OTUD5: variants seen among roughly 807,000 people sequenced by gnomAD.
OTUD5 encodes the protein OTU deubiquitinase 5, also known as OTU domain-containing protein 5.
In OTUD5, 2 loss-of-function variants were observed where a neutral mutation model predicts 36.3. The observed-to-expected ratio is 0.06, with a 90% CI of 0.02 to 0.17. OTUD5 has a LOEUF of 0.17. Among genes scored for constraint, OTUD5 ranks in the 10% least tolerant of loss-of-function variants. The pLI is 1.00. For synonymous variants in OTUD5, 234 were observed against 214.9 expected (o/e 1.09, Z -0.78); for missense variants, 233 against 512.3 (o/e 0.45, Z 5.26).
chrX:48,954,892 G>C (rs2064209646), intron 1 of OTUD5, among the ~76,000 whole-genome samples: 3 of 112,174 alleles, frequency 2.7e-5, no homozygotes, highest in South Asian at 7.3e-4. Flanking sequence ...GAAAGTAGGA[G>C]GACCTTCTTG....
At chrX:48,955,626 G>A (rs1481394592) in intron 1 of OTUD5, among the ~76,000 whole-genome samples, 1 of 110,814 alleles carries the variant, frequency 9.0e-6, no homozygotes, top group Non-Finnish European at 1.9e-5. Context: ...CATCATCTCT[G>A]GGATCCCATG....
chrX:48,955,947 C>T (rs1422432998), intron 1 of OTUD5, among the ~76,000 whole-genome samples: 1 of 110,395 alleles, frequency 9.1e-6, no homozygotes, highest in Non-Finnish European at 1.9e-5. Context: ...CTGAAGAGGC[C>T]TCAGACTCGG....
intron 6 of OTUD5, among the ~76,000 whole-genome samples, chrX:48,925,483 T>C (rs782383846): frequency 1.8e-4 from 20 of 110,497 alleles, no homozygotes; most frequent in Admixed American, 1.6e-3. Context: ...CACCATTGAG[T>C]TGTCTCTGCC....
At chrX:48,930,610 C>T (rs1398952334) in intron 5 of OTUD5, among the ~76,000 whole-genome samples, 1 of 112,032 alleles carries the variant, frequency 8.9e-6, no homozygotes. Context: ...ACATTCAACA[C>T]CTAGGTCTTG....
intron 5 of OTUD5, 146 bp downstream of exon 5, chrX:48,934,318 C>CTATTT (rs1389484695): frequency 8.7e-6 from 4 of 458,841 alleles, no homozygotes; most frequent in Non-Finnish European, 1.5e-5. Flanking sequence ...AAGTAACTCC[C>CTATTT]TATTTTTTTT....
chrX:48,958,295 T>G (rs1330137428), upstream of OTUD5: 1 of 112,268 alleles, frequency 8.9e-6, no homozygotes. Context: ...GAAAAACACC[T>G]CCCCTCCAGG....
In OTUD5 at chrX:48,923,697, A is replaced by G; in HGVS notation, c.1515T>C (p.Leu505=). 1 of 1,209,562 alleles carries G rather than the reference A, an allele frequency of 8.3e-7. No homozygotes were observed. Among genetic ancestry groups the G allele is most frequent in the Non-Finnish European group, 1.1e-6 (1 of 894,034 alleles). The stretch of plus-strand genomic sequence containing the variant: ...ACTCCAAAGCAGGGTAGAGGGACAC[A>G]AGGGGGGAAGTTGCCCGGTCGGCCC... ...SAGADRATSP[L]VSLYPALECR... is the part of the protein sequence containing the mutation. Residue 505 remains leucine, a synonymous_variant, in exon 8 of 9, where the codon CTT becomes CTC. Transcript: ENST00000376488.
chrX:48,938,430 C>T (rs1478136244), intron 2 of OTUD5, among the ~76,000 whole-genome samples: 1 of 111,868 alleles, frequency 8.9e-6, no homozygotes, highest in Middle Eastern at 4.6e-3. Flanking sequence ...TGGTGGCTCA[C>T]GCCTGTAATC....
intron 2 of OTUD5, among the ~76,000 whole-genome samples, chrX:48,938,375 A>G (rs1557050374): frequency 8.9e-6 from 1 of 112,166 alleles, no homozygotes; most frequent in Non-Finnish European, 1.9e-5. Context: ...GCACAGAGCT[A>G]AACACATAGG....
chrX:48,950,749 A>T (rs2064125477), intron 1 of OTUD5, among the ~76,000 whole-genome samples: 1 of 108,557 alleles, frequency 9.2e-6, no homozygotes, highest in African/African-American at 3.4e-5. Context: ...TTTTTAGTAG[A>T]GATGGGGTTT....
chrX:48,932,094 A>G (rs952486376), intron 5 of OTUD5, among the ~76,000 whole-genome samples: 2 of 104,998 alleles, frequency 1.9e-5, no homozygotes, highest in Non-Finnish European at 3.9e-5. Context: ...GGTTGCAGTG[A>G]GCCAAGATTG....
intron 2 of OTUD5, among the ~76,000 whole-genome samples, chrX:48,941,203 C>T (rs1434746112): frequency 9.0e-6 from 1 of 110,503 alleles, no homozygotes; most frequent in Non-Finnish European, 1.9e-5. Flanking sequence ...GAGGCCAAAG[C>T]GGGTGGATCA....
intron 1 of OTUD5, among the ~76,000 whole-genome samples, chrX:48,945,819 T>C (rs1459031079): frequency 9.0e-6 from 1 of 110,892 alleles, no homozygotes; most frequent in East Asian, 2.8e-4. Context: ...TCAACTTAAA[T>C]GAACCTGTAC....
At chrX:48,942,232 T>TAC (rs1484692862) in intron 2 of OTUD5, among the ~76,000 whole-genome samples, 139 of 19,875 alleles carry the variant, frequency 7.0e-3, no homozygotes, top group South Asian at 9.7e-3. Flanking sequence ...GCTAGCTAGA[T>TAC]ACACACACAC....
chrX:48,948,641 T>C (rs1480362383), intron 1 of OTUD5, among the ~76,000 whole-genome samples: 1 of 110,740 alleles, frequency 9.0e-6, no homozygotes, highest in Non-Finnish European at 1.9e-5. Context: ...CCCACTGGCT[T>C]TGTCATCAGC....
chrX:48,927,623 T>A (rs893876156), intron 5 of OTUD5, among the ~76,000 whole-genome samples: 1 of 111,838 alleles, frequency 8.9e-6, no homozygotes, highest in South Asian at 3.7e-4. Context: ...GGAGCTTCCA[T>A]GCCCTCCCTG....
chrX:48,926,129 G>A (rs782732698), intron 5 of OTUD5, 79 bp from the exon 6 acceptor site: 17 of 744,883 alleles, frequency 2.3e-5, no homozygotes, highest in Non-Finnish European at 3.0e-5. Context: ...CAGCGAGGTA[G>A]GCCCACAGGC....
chrX:48,942,438 T>C (rs1354961105), intron 2 of OTUD5, among the ~76,000 whole-genome samples: 1 of 110,515 alleles, frequency 9.0e-6, no homozygotes, highest in African/African-American at 3.3e-5. Context: ...CTGCATTCTC[T>C]AATCCTAACT....
At chrX:48,938,120 A>C (rs1314645813) in intron 2 of OTUD5, among the ~76,000 whole-genome samples, 1 of 112,251 alleles carries the variant, frequency 8.9e-6, no homozygotes, top group Non-Finnish European at 1.9e-5. Flanking sequence ...TGTAAAATGT[A>C]AAATACCACC....
Sources: allele counts gnomAD v4.1 joint callset (sites outside exome capture counted in the v4.1 genomes callset), GRCh38; gene constraint gnomAD v4.1.1; transcripts MANE v1.5; gene names NCBI Gene and HGNC (gene_info 2026-07-23, HGNC 2026-07-21).